The following KCND2 variants were observed in gnomAD, a reference collection of about 807,000 sequenced individuals.
KCND2 encodes A-type voltage-gated potassium channel KCND2.
A neutral mutation model predicts 54.4 loss-of-function variants in KCND2; 16 were observed. That is an observed-to-expected ratio of 0.29 (90% confidence interval 0.20 to 0.45). The LOEUF (loss-of-function observed/expected upper bound fraction) is 0.45, where lower values mean the gene tolerates loss of function less well. Ranked by LOEUF, KCND2 falls within the 20% of genes least tolerant of loss-of-function variation. The pLI, the probability that KCND2 is intolerant of heterozygous loss-of-function variation, is 1.00. For synonymous variants in KCND2, 317 were observed against 310.7 expected (o/e 1.02, Z -0.21); for missense variants, 486 against 824.2 (o/e 0.59, Z 5.02).
chr7:120,544,056 C>T (rs1792014499), intron 1 of KCND2, among the ~76,000 whole-genome samples: 1 of 151,880 alleles, frequency 6.6e-6, no homozygotes, highest in East Asian at 1.9e-4. Flanking sequence ...CCATGACCAA[C>T]TTGAATTATG....
intron 1 of KCND2, among the ~76,000 whole-genome samples, chr7:120,298,470 A>C (rs1228881038): frequency 6.6e-6 from 1 of 152,230 alleles, no homozygotes; most frequent in Non-Finnish European, 1.5e-5. Context: ...TGATGTGTTC[A>C]TGATTTTAAA....
At chr7:120,405,353 C>T (rs2116091616) in intron 1 of KCND2, among the ~76,000 whole-genome samples, 1 of 152,248 alleles carries the variant, frequency 6.6e-6, no homozygotes, top group Non-Finnish European at 1.5e-5. Flanking sequence ...CTAATGTCTT[C>T]TCCTGACATT....
chr7:120,296,361 ATTAAGT>A (rs1197599017), intron 1 of KCND2, among the ~76,000 whole-genome samples: 15 of 152,100 alleles, frequency 9.9e-5, no homozygotes, highest in Non-Finnish European at 2.1e-4. Flanking sequence ...ACTGGATCTC[ATTAAGT>A]TTAATTCCTA....
intron 1 of KCND2, among the ~76,000 whole-genome samples, chr7:120,546,621 T>G (rs1376943379): frequency 6.6e-6 from 1 of 151,984 alleles, no homozygotes; most frequent in East Asian, 1.9e-4. Flanking sequence ...ATTTGTATTT[T>G]TTATAATTCT....
At chr7:120,460,318 C>G (rs890710643) in intron 1 of KCND2, among the ~76,000 whole-genome samples, 2 of 152,112 alleles carry the variant, frequency 1.3e-5, no homozygotes, top group Non-Finnish European at 2.9e-5. Flanking sequence ...AGTTTATAAA[C>G]TGAAGTTGGG....
intron 1 of KCND2, among the ~76,000 whole-genome samples, chr7:120,576,485 A>C (rs1792435676): frequency 6.6e-6 from 1 of 151,854 alleles, no homozygotes; most frequent in African/African-American, 2.4e-5. Flanking sequence ...GCCTTTGATT[A>C]TCTCTAATTA....
chr7:120,585,765 T>C (rs1792590097), intron 1 of KCND2, among the ~76,000 whole-genome samples: 1 of 152,182 alleles, frequency 6.6e-6, no homozygotes, highest in African/African-American at 2.4e-5. Context: ...CTCAGCTGTT[T>C]GAACCAGGGA....
chr7:120,441,072 A>G (rs1242934721), intron 1 of KCND2, among the ~76,000 whole-genome samples: 1 of 132,166 alleles, frequency 7.6e-6, no homozygotes, highest in African/African-American at 2.9e-5. Flanking sequence ...AATTTCATGG[A>G]AAAAAAAAAT....
chr7:120,590,992 T>C (rs1024156484), intron 1 of KCND2, among the ~76,000 whole-genome samples: 2 of 152,172 alleles, frequency 1.3e-5, no homozygotes, highest in African/African-American at 4.8e-5. Flanking sequence ...AAATCTATAC[T>C]GCAGGTTTTC....
chr7:120,633,048 C>T (rs954161357), intron 1 of KCND2, among the ~76,000 whole-genome samples: 5 of 152,176 alleles, frequency 3.3e-5, no homozygotes, highest in African/African-American at 1.2e-4. Flanking sequence ...CTTGATCAAC[C>T]ATTGTTAATC....
intron 1 of KCND2, among the ~76,000 whole-genome samples, chr7:120,638,966 CT>C (rs1793339278): frequency 6.6e-6 from 1 of 152,114 alleles, no homozygotes; most frequent in Non-Finnish European, 1.5e-5. Flanking sequence ...CAGGTTATCA[CT>C]TTACCAAATT....
chr7:120,451,481 G>A (rs1470235604), intron 1 of KCND2, among the ~76,000 whole-genome samples: 1 of 152,044 alleles, frequency 6.6e-6, no homozygotes, highest in Non-Finnish European at 1.5e-5. Context: ...AAACACTATT[G>A]ATTGAATATA....
chr7:120,494,006 A>G (rs1802817884), intron 1 of KCND2, among the ~76,000 whole-genome samples: 2 of 152,172 alleles, frequency 1.3e-5, no homozygotes, highest in Non-Finnish European at 2.9e-5. Context: ...TAAAGTCATA[A>G]ATAAATGAAA....
At chr7:120,645,485 A>G (rs1328952466) in intron 1 of KCND2, among the ~76,000 whole-genome samples, 1 of 152,190 alleles carries the variant, frequency 6.6e-6, no homozygotes. Flanking sequence ...GACATGTGCC[A>G]TACTAATACA....
chr7:120,653,661 T>C (rs1791766756), intron 1 of KCND2, among the ~76,000 whole-genome samples: 1 of 152,192 alleles, frequency 6.6e-6, no homozygotes, highest in African/African-American at 2.4e-5. Context: ...ATAGTTTTAT[T>C]GTAGGGATAA....
rs748352117 is a variant in KCND2 at position 120,745,787 on chromosome 7, A to T, written c.1475A>T (p.Glu492Val). The T allele has an allele frequency of 3.7e-6, 6 of 1,613,570 alleles. No individual in the cohort carries two copies. The highest frequency in any genetic ancestry group is 5.1e-6 in the Non-Finnish European group (6 of 1,179,734). Residue 492 changes from glutamate to valine, a missense_variant, in exon 5 of 6, where the codon GAG (glutamate) becomes GTG (valine). Physicochemically the swap from Glu to Val is moderately radical, Grantham distance 121 (BLOSUM62 -2). This residue lies in a region of KCND2 where 202 missense variants were observed against 252.7 expected (regional missense o/e 0.80). Transcript: ENST00000331113. ...LHCLEKTTNH[E>V]FVDEQVFEES... ...CTTACAACTGTGGAACAGAATCACG[A>T]GTTTGTGGACGAACAAGTCTTTGAA...
intron 1 of KCND2, among the ~76,000 whole-genome samples, chr7:120,329,932 G>A (rs1030751748): frequency 2.0e-5 from 3 of 152,066 alleles, no homozygotes; most frequent in Non-Finnish European, 4.4e-5. Context: ...TTTAAAAGTA[G>A]CATACATTAC....
At chr7:120,689,116 T>A (rs1451756877) in intron 1 of KCND2, among the ~76,000 whole-genome samples, 1 of 152,118 alleles carries the variant, frequency 6.6e-6, no homozygotes, top group Non-Finnish European at 1.5e-5. Flanking sequence ...GGTCTTATCT[T>A]ATGAGAAACA....
intron 1 of KCND2, among the ~76,000 whole-genome samples, chr7:120,624,122 G>T (rs1793136166): frequency 6.6e-6 from 1 of 152,130 alleles, no homozygotes; most frequent in Admixed American, 6.6e-5. Context: ...GTTCAAAAAG[G>T]TCTTAACTAT....
Sources: gnomAD v4.1 joint callset for allele counts (sites outside exome capture counted in the v4.1 genomes callset) on GRCh38, gnomAD v4.1.1 for gene constraint, gnomAD v4.1.1 regional missense constraint, MANE v1.5 for transcripts, NCBI Gene and HGNC (gene_info 2026-07-23, HGNC 2026-07-21) for gene names.